The following DENND4A variants were observed in gnomAD, a reference collection of about 807,000 sequenced individuals.
The protein encoded by DENND4A is DENN domain containing 4A.
Under a neutral mutation model 199.3 loss-of-function variants are expected in DENND4A, and 70 were observed. The ratio of observed to expected loss-of-function variants is 0.35; its 90% CI spans 0.29 to 0.43. DENND4A has a LOEUF of 0.43. Among genes scored for constraint, DENND4A ranks in the 20% least tolerant of loss-of-function variants. The pLI is 1.00. For synonymous variants in DENND4A, 686 were observed against 766.9 expected (o/e 0.89, Z 1.74); for missense variants, 1,723 against 2,255.8 (o/e 0.76, Z 4.78).
At chr15:65,720,381 G>T (rs923515176) in intron 12 of DENND4A, among the ~76,000 whole-genome samples, 2 of 151,280 alleles carry the variant, frequency 1.3e-5, no homozygotes, top group Non-Finnish European at 2.9e-5. Context: ...AATACTGGAA[G>T]AACGTAAGGC....
rs371761148 is a variant in DENND4A at position 65,738,904 on chromosome 15, A to G, written c.632-29T>C. ...TAAAAACAACAATAAATATTAGGTCATCATCTCTTGAATTTAGGTACTTAT... is the reference window on the plus strand; with the variant it reads ...TAAAAACAACAATAAATATTAGGTCGTCATCTCTTGAATTTAGGTACTTAT... On this transcript the variant is annotated intron_variant, in intron 5 of 32. Coordinates refer to ENST00000443035, the MANE Select transcript of DENND4A (RefSeq NM_001320835.1). The G allele has an allele frequency of 2.0e-6, 3 of 1,468,840 alleles. No individual in the cohort carries two copies. The African/African-American group carries it at 4.3e-5, about 21-fold the overall frequency. 91.0% of individuals were successfully genotyped at this position (1,468,840 alleles called of 1,614,324 possible). A position where few individuals can be genotyped will look rare whatever the true frequency, so the allele number is the denominator to read the frequency against.
intron 23 of DENND4A, among the ~76,000 whole-genome samples, chr15:65,684,646 G>C (rs1183361202): frequency 1.3e-5 from 2 of 152,038 alleles, no homozygotes; most frequent in Non-Finnish European, 2.9e-5. Context: ...CTTTTCCCCA[G>C]TCTGTGGCTT....
chr15:65,683,198 C>G (rs776382783), intron 23 of DENND4A, among the ~76,000 whole-genome samples: 2 of 152,136 alleles, frequency 1.3e-5, no homozygotes. Context: ...TAAAATGAGA[C>G]CTGCCTACGC....
rs574830923 is a variant in DENND4A at position 65,762,559 on chromosome 15, G to C, written c.-101-1121C>G. ...CACGAGAATCACTTGAGCCCAGGAA[G>C]CTGAGGCTGCAGTGAGCCCTGATCA... On this transcript the variant is annotated intron_variant, in intron 1 of 32. Transcript: ENST00000443035. Among the ~76,000 whole-genome samples, 31 of 152,276 alleles carry C rather than the reference G, an allele frequency of 2.0e-4. No homozygotes were observed. The South Asian group carries it at 6.0e-3, about 30-fold the overall frequency.
intron 23 of DENND4A, among the ~76,000 whole-genome samples, chr15:65,689,426 T>G (rs983419642): frequency 3.9e-5 from 6 of 152,194 alleles, no homozygotes; most frequent in African/African-American, 1.2e-4. Flanking sequence ...TTCTAACTGA[T>G]GTTTTATTTC....
intron 23 of DENND4A, 73 bp downstream of exon 23, chr15:65,690,342 C>T (rs958807937): frequency 1.7e-5 from 25 of 1,446,294 alleles, no homozygotes; most frequent in African/African-American, 5.7e-5. Context: ...ATAGTTAAAA[C>T]GAGTAAGGGG....
chr15:65,743,467 TA>T (rs2076310278), intron 4 of DENND4A, among the ~76,000 whole-genome samples: 1 of 152,226 alleles, frequency 6.6e-6, no homozygotes, highest in African/African-American at 2.4e-5. Flanking sequence ...TACTTTCAAA[TA>T]AGGGCTTCCC....
At position 65,717,959 on chromosome 15, in the gene DENND4A, T is replaced by C. The variant is rs1372680079; in HGVS notation, c.1626A>G (p.Leu542=). Residue 542 remains leucine (L), a synonymous_variant, in exon 13 of 33, where the codon TTA becomes TTG. Transcript: ENST00000443035. ...QRPRDDGLMD[L]AINDYDFNSG... is the part of the protein sequence containing the mutation. ...AATTAAAATCATAGTCATTTATTGCTAAATCCATGAGTCCATCATCTCTCG... is the reference window on the plus strand; with the variant it reads ...AATTAAAATCATAGTCATTTATTGCCAAATCCATGAGTCCATCATCTCTCG... 2 of 1,607,518 alleles carry C rather than the reference T, an allele frequency of 1.2e-6. No homozygotes were observed. The highest frequency in any genetic ancestry group is 1.3e-5 in the African/African-American group (1 of 74,876).
In DENND4A at chr15:65,701,714, CATA is replaced by C. The variant is rs776257138; in HGVS notation, c.2559+45_2559+47del. ...TAAATTATTTCTGCCATTAATGTTG[CATA>C]ATGACAAAAGTAATACTCTTTATCC... On this transcript the variant is annotated intron_variant, in intron 18 of 32. Coordinates refer to ENST00000443035, the MANE Select transcript of DENND4A (RefSeq NM_001320835.1). The C allele has an allele frequency of 5.2e-6, 8 of 1,541,284 alleles. No individual in the cohort carries two copies. The African/African-American group carries it at 1.1e-4, about 21-fold the overall frequency.
intron 7 of DENND4A, among the ~76,000 whole-genome samples, chr15:65,736,747 G>C (rs1036925811): frequency 1.6e-4 from 24 of 152,244 alleles, no homozygotes; most frequent in African/African-American, 3.6e-4. Context: ...TGGGAGGCCA[G>C]GCTTTCTTTG....
intron 1 of DENND4A, among the ~76,000 whole-genome samples, chr15:65,790,953 G>A (rs1344884330): frequency 6.6e-6 from 1 of 152,160 alleles, no homozygotes; most frequent in Non-Finnish European, 1.5e-5. Flanking sequence ...AAGGAGAGAA[G>A]AGGTATACTA....
chr15:65,727,377 C>T (rs994925119), intron 11 of DENND4A, among the ~76,000 whole-genome samples: 4 of 149,002 alleles, frequency 2.7e-5, no homozygotes, highest in African/African-American at 1.0e-4. Context: ...GGTGTGAACC[C>T]AGGAGGCGGA....
chr15:65,772,699 T>A, intron 1 of DENND4A, among the ~76,000 whole-genome samples: 1 of 53,122 alleles, frequency 1.9e-5, no homozygotes, highest in Non-Finnish European at 3.2e-5. Context: ...AAAATGAGAC[T>A]CCGTCTCAAA....
intron 1 of DENND4A, among the ~76,000 whole-genome samples, chr15:65,764,201 A>G (rs1183706638): frequency 6.6e-6 from 1 of 152,168 alleles, no homozygotes; most frequent in Non-Finnish European, 1.5e-5. Flanking sequence ...TATTTGTATC[A>G]TTATTCTAAA....
rs1163268367 is a variant in DENND4A at position 65,675,816 on chromosome 15, A to G, written c.4369+629T>C. ...AATGCAAAATAACCTGAGGAAGGGAACTTGGCAATAGCACTTCAAGGAAGA... is the reference window on the plus strand; with the variant it reads ...AATGCAAAATAACCTGAGGAAGGGAGCTTGGCAATAGCACTTCAAGGAAGA... On this transcript the variant is annotated intron_variant, in intron 24 of 32. Coordinates refer to ENST00000443035, the MANE Select transcript of DENND4A (RefSeq NM_001320835.1). Among the ~76,000 whole-genome samples, 4 of 152,186 alleles carry G rather than the reference A, an allele frequency of 2.6e-5. No individual in the cohort carries two copies. The East Asian group carries it at 7.7e-4, about 29-fold the overall frequency.
At chr15:65,705,826 C>A (rs1167580165) in intron 15 of DENND4A, 1 of 228,654 alleles carries the variant, frequency 4.4e-6, no homozygotes, top group Non-Finnish European at 7.2e-6. Context: ...GGGAGTCTAA[C>A]TGAATGTAAT....
intron 29 of DENND4A, among the ~76,000 whole-genome samples, chr15:65,666,551 T>C (rs917271543): frequency 3.3e-5 from 5 of 152,130 alleles, no homozygotes; most frequent in African/African-American, 7.2e-5. Context: ...ACAGTTACCA[T>C]GGGTAACTGA....
chr15:65,750,643 C>T (rs2076535798), intron 4 of DENND4A, among the ~76,000 whole-genome samples: 1 of 152,064 alleles, frequency 6.6e-6, no homozygotes, highest in Non-Finnish European at 1.5e-5. Context: ...GAAGTAGGAA[C>T]AAGAACCTTC....
At chr15:65,755,644 T>TA (rs1392021082) in intron 3 of DENND4A, among the ~76,000 whole-genome samples, 1 of 152,120 alleles carries the variant, frequency 6.6e-6, no homozygotes, top group Non-Finnish European at 1.5e-5. Flanking sequence ...CGTGTATCTA[T>TA]AGTCCCAGCT....
Sources: allele counts gnomAD v4.1 joint callset (sites outside exome capture counted in the v4.1 genomes callset), GRCh38; gene constraint gnomAD v4.1.1; transcripts MANE v1.5; gene names NCBI Gene and HGNC (gene_info 2026-07-23, HGNC 2026-07-21).